PDXDC1: variants seen among roughly 807,000 people sequenced by gnomAD.
The protein encoded by PDXDC1 is pyridoxal dependent decarboxylase domain containing 1, also known as pyridoxal-dependent decarboxylase domain-containing protein 1.
Under a neutral mutation model 100.1 loss-of-function variants are expected in PDXDC1, and 42 were observed. The observed-to-expected ratio is 0.42, with a 90% CI of 0.33 to 0.54. The LOEUF (loss-of-function observed/expected upper bound fraction) is 0.54, where lower values mean the gene tolerates loss of function less well. Among genes scored for constraint, PDXDC1 ranks in the 20% least tolerant of loss-of-function variants. The pLI is 0.10. For missense variants in PDXDC1, 636 were observed against 979.2 expected (o/e 0.65, Z 4.68); for synonymous variants, 260 against 371.7 (o/e 0.70, Z 3.46).
intron 16 of PDXDC1, among the ~76,000 whole-genome samples, chr16:15,093,159 C>T (rs760643447): frequency 6.6e-6 from 1 of 152,156 alleles, no homozygotes; most frequent in Non-Finnish European, 1.5e-5. Context: ...CACCTGCCAC[C>T]ATGCCCGGCT....
At chr16:15,109,903 C>G (rs1306464247) in intron 16 of PDXDC1, among the ~76,000 whole-genome samples, 3 of 142,232 alleles carry the variant, frequency 2.1e-5, no homozygotes, top group African/African-American at 7.5e-5. Flanking sequence ...CCTCTAATCC[C>G]AGCACTTTGG....
intron 1 of PDXDC1, among the ~76,000 whole-genome samples, chr16:14,978,813 T>G (rs1967291564): frequency 6.6e-6 from 1 of 152,300 alleles, no homozygotes; most frequent in Non-Finnish European, 1.5e-5. Flanking sequence ...TGCATTTACT[T>G]TAATTCTGTC....
intron 16 of PDXDC1, chr16:15,136,276 C>A (rs2048343691): frequency 3.3e-6 from 2 of 612,258 alleles, no homozygotes; most frequent in Admixed American, 5.9e-5. Context: ...GGCCCACCAC[C>A]CCAGGCTCAC....
downstream of PDXDC1, chr16:15,038,351 GAAA>G (rs2043637368): frequency 3.1e-6 from 2 of 651,804 alleles, no homozygotes; most frequent in Admixed American, 6.9e-5. Flanking sequence ...GAATTAGTAA[GAAA>G]AAAGTTGATT....
intron 1 of PDXDC1, among the ~76,000 whole-genome samples, chr16:14,977,661 G>T (rs1967007774): frequency 6.6e-6 from 1 of 152,252 alleles, no homozygotes; most frequent in African/African-American, 2.4e-5. Context: ...GGGCAGAAAA[G>T]AAAAAGCATT....
downstream of PDXDC1, chr16:15,040,074 GGAC>G: frequency 6.6e-7 from 1 of 1,504,738 alleles, no homozygotes; most frequent in South Asian, 1.1e-5. Flanking sequence ...CAGCTGTGAG[GGAC>G]AACAGGATGA....
In PDXDC1 at chr16:14,984,495, A is replaced by ATTTT. The variant is rs1159521017; in HGVS notation, c.21+9290_21+9293dup. Among the ~76,000 whole-genome samples the ATTTT allele has an allele frequency of 5.6e-4, 41 of 73,482 alleles. 1 individual carries two copies. Among genetic ancestry groups the ATTTT allele is most frequent in the East Asian group, 4.6e-3 (7 of 1,526 alleles). 48.2% of individuals were successfully genotyped at this position (73,482 alleles called of 152,430 possible). ...TGTATACATATATATATATATATAT[A>ATTTT]TTTTTTTTTTTTTTTTTTCTGAGAC... On this transcript the variant is annotated intron_variant, in intron 1 of 22. Coordinates refer to ENST00000396410, the MANE Select transcript of PDXDC1 (RefSeq NM_015027.4).
intron 14 of PDXDC1, among the ~76,000 whole-genome samples, chr16:15,028,058 A>G (rs2042758038): frequency 6.6e-6 from 1 of 152,258 alleles, no homozygotes. Flanking sequence ...GTATCTTACC[A>G]TTTCGGTCGA....
downstream of PDXDC1, among the ~76,000 whole-genome samples, chr16:15,142,706 C>T (rs1036112482): frequency 2.6e-5 from 4 of 152,118 alleles, no homozygotes; most frequent in Admixed American, 1.3e-4. Flanking sequence ...TCTGGGGGAA[C>T]GCCAAGGCCT....
At chr16:15,131,282 T>C (rs2151915843) in intron 16 of PDXDC1, 8 of 1,579,674 alleles carry the variant, frequency 5.1e-6, no homozygotes, top group South Asian at 3.3e-5. Flanking sequence ...AGCCGCTCGA[T>C]GGGGATCTGG....
Position 15,001,375 on chromosome 16 carries a change from G to A in PDXDC1, c.162-401G>A, listed in dbSNP as rs552483804. Among the ~76,000 whole-genome samples, 5 of 152,396 alleles carry A rather than the reference G, an allele frequency of 3.3e-5. No homozygotes were observed. The East Asian group carries it at 9.6e-4, about 29-fold the overall frequency. ...GTGGTGGCGCAAGCTTGTAATCTCA[G>A]CTACTCAGGAGGCTGAGGCAGGAGG... On this transcript the variant is annotated intron_variant, in intron 3 of 22. Coordinates refer to ENST00000396410, the MANE Select transcript of PDXDC1 (RefSeq NM_015027.4).
intron 16 of PDXDC1, among the ~76,000 whole-genome samples, chr16:15,053,469 TATCA>T (rs2044373052): frequency 7.2e-6 from 1 of 138,208 alleles, no homozygotes; most frequent in Admixed American, 8.2e-5. Flanking sequence ...TATAGTAAGC[TATCA>T]TTTTTTTAAA....
intron 16 of PDXDC1, among the ~76,000 whole-genome samples, chr16:15,046,914 G>A (rs1180473510): frequency 1.3e-5 from 2 of 151,688 alleles, no homozygotes; most frequent in African/African-American, 2.4e-5. Context: ...TACATGCCTC[G>A]CCCCCTAGCG....
chr16:15,086,289 A>G (rs2045914430), intron 16 of PDXDC1: 2 of 1,579,608 alleles, frequency 1.3e-6, no homozygotes, highest in African/African-American at 1.4e-5. Context: ...TAAAAGCAGC[A>G]TGTTATTAAT....
At chr16:15,040,801 G>A (rs974383146), downstream of PDXDC1, among the ~76,000 whole-genome samples, 1 of 152,146 alleles carries the variant, frequency 6.6e-6, no homozygotes, top group Non-Finnish European at 1.5e-5. Flanking sequence ...CCAGCTCCTG[G>A]GAAGGGTGGG....
chr16:15,048,004 T>C (rs1452467710), intron 16 of PDXDC1: 7 of 1,610,646 alleles, frequency 4.3e-6, no homozygotes, highest in Non-Finnish European at 5.9e-6. Flanking sequence ...TACCATCCTT[T>C]GGGGAGGTCA....
At chr16:15,130,112 C>T (rs1233566681) in intron 16 of PDXDC1, 2 of 1,362,176 alleles carry the variant, frequency 1.5e-6, no homozygotes, top group Non-Finnish European at 2.1e-6. Context: ...CAGGAGGTCA[C>T]GTGCAAGCTG....
chr16:15,066,558 C>T (rs1018783328), intron 16 of PDXDC1, among the ~76,000 whole-genome samples: 58 of 151,454 alleles, frequency 3.8e-4, no homozygotes, highest in Non-Finnish European at 7.5e-4. Flanking sequence ...GCATGAGCCT[C>T]GGAGGTGGTG....
chr16:15,131,760 G>C (rs1461637228), intron 16 of PDXDC1: 5 of 905,976 alleles, frequency 5.5e-6, no homozygotes, highest in Non-Finnish European at 8.1e-6. Flanking sequence ...GGGAGGGTGG[G>C]GGCAGGCAAA....
Sources: allele counts gnomAD v4.1 joint callset (sites outside exome capture counted in the v4.1 genomes callset), GRCh38; gene constraint gnomAD v4.1.1; transcripts MANE v1.5; gene names NCBI Gene and HGNC (gene_info 2026-07-23, HGNC 2026-07-21).